The following CNTN4 variants were observed in gnomAD, a reference collection of about 807,000 sequenced individuals.
The protein encoded by CNTN4 is contactin 4.
A neutral mutation model predicts 122.5 loss-of-function variants in CNTN4; 77 were observed. The ratio of observed to expected loss-of-function variants is 0.63; its 90% CI spans 0.52 to 0.76. CNTN4 has a LOEUF of 0.76. Among genes scored for constraint, CNTN4 ranks in the 30% least tolerant of loss-of-function variants. The pLI, the probability that CNTN4 is intolerant of heterozygous loss-of-function variation, is 0.00. For synonymous variants in CNTN4, 512 were observed against 447.0 expected (o/e 1.15, Z -1.83); for missense variants, 1,256 against 1,259.1 (o/e 1.00, Z 0.04).
chr3:2,862,899 C>T (rs1311572878), intron 7 of CNTN4, among the ~76,000 whole-genome samples: 1 of 152,074 alleles, frequency 6.6e-6, no homozygotes, highest in African/African-American at 2.4e-5. Context: ...TATAAAAATA[C>T]CAGATCTTGG....
intron 3 of CNTN4, among the ~76,000 whole-genome samples, chr3:2,463,288 A>G (rs1488185881): frequency 6.6e-6 from 1 of 152,206 alleles, no homozygotes; most frequent in Non-Finnish European, 1.5e-5. Flanking sequence ...AACACATCAA[A>G]CAAAGTAAAA....
intron 4 of CNTN4, among the ~76,000 whole-genome samples, chr3:2,589,533 A>G (rs926782486): frequency 2.0e-5 from 3 of 152,218 alleles, no homozygotes; most frequent in Non-Finnish European, 4.4e-5. Context: ...TGAATTGTGC[A>G]GGCATTGGAA....
At chr3:2,565,312 T>A (rs2079110438) in intron 3 of CNTN4, among the ~76,000 whole-genome samples, 1 of 152,294 alleles carries the variant, frequency 6.6e-6, no homozygotes, top group South Asian at 2.1e-4. Context: ...ACATATTTTC[T>A]CATCATTCCT....
chr3:2,336,232 G>T (rs1028988289), intron 2 of CNTN4, among the ~76,000 whole-genome samples: 2 of 151,672 alleles, frequency 1.3e-5, no homozygotes, highest in African/African-American at 4.8e-5. Flanking sequence ...TTGGGGGGGG[G>T]AGGTGGCAGA....
intron 3 of CNTN4, among the ~76,000 whole-genome samples, chr3:2,521,346 C>A (rs1257716193): frequency 6.0e-5 from 4 of 66,298 alleles, no homozygotes; most frequent in African/African-American, 2.7e-4. Context: ...CTACCCATCC[C>A]CCCCACCCCC....
At chr3:2,515,288 A>G (rs1261238466) in intron 3 of CNTN4, among the ~76,000 whole-genome samples, 3 of 152,184 alleles carry the variant, frequency 2.0e-5, no homozygotes, top group Non-Finnish European at 1.5e-5. Context: ...TGTTAATCTT[A>G]TACTCTAAAT....
chr3:3,052,210 C>T (rs1360469486), intron 23 of CNTN4, among the ~76,000 whole-genome samples: 1 of 152,206 alleles, frequency 6.6e-6, no homozygotes, highest in African/African-American at 2.4e-5. Context: ...TAGAGTGGAA[C>T]TGGAGCGGGG....
chr3:2,187,973 A>G (rs2149319652), intron 2 of CNTN4, among the ~76,000 whole-genome samples: 1 of 152,270 alleles, frequency 6.6e-6, no homozygotes, highest in East Asian at 1.9e-4. Context: ...TTGTGAAAGC[A>G]AATCAAGTGG....
At chr3:2,460,900 C>CT (rs34185236) in intron 3 of CNTN4, among the ~76,000 whole-genome samples, 102,633 of 151,828 alleles carry the variant, frequency 0.68, 34,899 homozygotes, top group East Asian at 0.79. Flanking sequence ...AGTGAGAGTT[C>CT]TCATGTAGCT....
At chr3:2,768,744 A>G (rs180771653) in intron 6 of CNTN4, among the ~76,000 whole-genome samples, 10 of 152,328 alleles carry the variant, frequency 6.6e-5, no homozygotes, top group Admixed American at 5.2e-4. Context: ...AAAAATAACT[A>G]ATAGTTAAGT....
intron 4 of CNTN4, among the ~76,000 whole-genome samples, chr3:2,574,671 T>A (rs2079580197): frequency 6.6e-6 from 1 of 152,106 alleles, no homozygotes; most frequent in African/African-American, 2.4e-5. Flanking sequence ...CATAAAACCC[T>A]GCTACCTAAA....
At chr3:2,370,733 A>T (rs1047254161) in intron 3 of CNTN4, among the ~76,000 whole-genome samples, 2 of 152,270 alleles carry the variant, frequency 1.3e-5, no homozygotes, top group Admixed American at 1.3e-4. Context: ...GTATTGATGA[A>T]TTTTTATTAT....
intron 4 of CNTN4, among the ~76,000 whole-genome samples, chr3:2,572,562 G>A (rs947625700): frequency 6.6e-6 from 1 of 152,114 alleles, no homozygotes; most frequent in African/African-American, 2.4e-5. Flanking sequence ...ATCATTCCAC[G>A]CCCCTTTGAA....
chr3:2,422,923 A>G (rs190417137), intron 3 of CNTN4, among the ~76,000 whole-genome samples: 16 of 152,292 alleles, frequency 1.1e-4, no homozygotes. Flanking sequence ...CCTGTTTGCC[A>G]CCTGTCCTGG....
chr3:2,151,952 C>T (rs75744177), intron 2 of CNTN4, among the ~76,000 whole-genome samples: 2 of 152,162 alleles, frequency 1.3e-5, no homozygotes, highest in Non-Finnish European at 2.9e-5. Context: ...TTAACAGCAA[C>T]AGGCTAAGAC....
At chr3:2,222,611 T>G (rs1048347099) in intron 2 of CNTN4, among the ~76,000 whole-genome samples, 1 of 152,082 alleles carries the variant, frequency 6.6e-6, no homozygotes, top group African/African-American at 2.4e-5. Context: ...ATTAATAATA[T>G]CTCAATAAAA....
At chr3:2,188,536 T>G (rs544641629) in intron 2 of CNTN4, among the ~76,000 whole-genome samples, 1 of 152,294 alleles carries the variant, frequency 6.6e-6, no homozygotes, top group African/African-American at 2.4e-5. Context: ...TTTAGCTATT[T>G]CTGCTGCAGT....
Position 2,187,713 on chromosome 3 carries a change from C to T in CNTN4, c.-145+87074C>T, listed in dbSNP as rs2037339820. On this transcript the variant is annotated intron_variant, in intron 2 of 24. Coordinates refer to ENST00000418658, the MANE Select transcript of CNTN4 (RefSeq NM_175607.3). The stretch of plus-strand genomic sequence containing the variant: ...TAACCTGATGAGTCTATGCAGGGCC[C>T]TTGCAAATATCAAAGCAGGACCACC... Among the ~76,000 whole-genome samples, 3 of 152,094 alleles carry T rather than the reference C, an allele frequency of 2.0e-5. No homozygotes were observed. In the South Asian group the frequency reaches 6.2e-4, roughly 32 times the overall value.
At chr3:2,605,733 A>G (rs1035664937) in intron 4 of CNTN4, among the ~76,000 whole-genome samples, 1 of 152,206 alleles carries the variant, frequency 6.6e-6, no homozygotes, top group African/African-American at 2.4e-5. Flanking sequence ...AATTATTACT[A>G]TATAGATGCC....
Sources: allele counts gnomAD v4.1 joint callset (sites outside exome capture counted in the v4.1 genomes callset), GRCh38; gene constraint gnomAD v4.1.1; transcripts MANE v1.5; gene names NCBI Gene and HGNC (gene_info 2026-07-23, HGNC 2026-07-21).